CACNA1B: variants seen among roughly 807,000 people sequenced by gnomAD.
CACNA1B encodes the protein calcium voltage-gated channel subunit alpha1 B, also known as voltage-dependent N-type calcium channel subunit alpha-1B.
In CACNA1B, 70 loss-of-function variants were observed where a neutral mutation model predicts 247.2. The observed-to-expected ratio is 0.28, with a 90% CI of 0.23 to 0.35. CACNA1B has a LOEUF of 0.35. Among genes scored for constraint, CACNA1B ranks in the 10% least tolerant of loss-of-function variants. CACNA1B has a pLI of 1.00. For missense variants in CACNA1B, 2,367 were observed against 3,197.4 expected (o/e 0.74, Z 6.26); for synonymous variants, 1,231 against 1,294.4 (o/e 0.95, Z 1.05).
rs968183683 is a variant in CACNA1B, at chr9:138,050,174, C to G, written c.3710+859C>G. On this transcript the variant is annotated intron_variant, in intron 24 of 46. Transcript: ENST00000371372. This position sits in a 1 kb window ranked among gnomAD's most constrained non-coding sequence, Gnocchi z 5.2. ...GGTCATTTCATCTCCAGCCTCACCC[C>G]CCGCCCATCCACTTTCACCCCATCG... 4 of 980,516 alleles carry G rather than the reference C, an allele frequency of 4.1e-6. No individual in the cohort carries two copies. Among genetic ancestry groups the G allele is most frequent in the Admixed American group, 2.3e-5 (1 of 43,116 alleles). 60.7% of individuals were successfully genotyped at this position (980,516 alleles called of 1,614,324 possible).
chr9:137,904,555 A>G (rs1588995207), intron 3 of CACNA1B, among the ~76,000 whole-genome samples: 1 of 151,320 alleles, frequency 6.6e-6, no homozygotes, highest in South Asian at 2.1e-4. Flanking sequence ...TTTTTTGTAG[A>G]GATGGGTCTC....
chr9:138,097,937 C>G (rs1961111006), intron 37 of CACNA1B, among the ~76,000 whole-genome samples: 1 of 152,160 alleles, frequency 6.6e-6, no homozygotes, highest in African/African-American at 2.4e-5. Flanking sequence ...CCCCACCTTC[C>G]TAGTGAGGAT....
At chr9:137,911,870 C>T (rs891426901) in intron 3 of CACNA1B, among the ~76,000 whole-genome samples, 5 of 152,246 alleles carry the variant, frequency 3.3e-5, no homozygotes, top group Non-Finnish European at 7.4e-5. Flanking sequence ...CCGGACGTGG[C>T]ATATGAGAGA....
intron 36 of CACNA1B, among the ~76,000 whole-genome samples, chr9:138,083,758 C>A (rs1381134470): frequency 2.0e-5 from 3 of 150,526 alleles, no homozygotes; most frequent in Non-Finnish European, 4.4e-5. Context: ...GGAGTCTGAG[C>A]TGCTGAGACA....
rs1338251367 is a variant in CACNA1B at position 138,047,308 on chromosome 9, A to G, written c.3544-91A>G. ...TTCCTGGCTCCCTGGCTGACTGCTCAGAGGCCTGGAGGAAAAACTCGGAGC... is the reference window on the plus strand; with the variant it reads ...TTCCTGGCTCCCTGGCTGACTGCTCGGAGGCCTGGAGGAAAAACTCGGAGC... On this transcript the variant is annotated intron_variant, in intron 22 of 46. Coordinates refer to ENST00000371372, the MANE Select transcript of CACNA1B (RefSeq NM_000718.4). The G allele has an allele frequency of 6.2e-6, 6 of 969,098 alleles. No individual in the cohort carries two copies. The African/African-American group carries it at 6.4e-5, about 10-fold the overall frequency. 60.0% of individuals were successfully genotyped at this position (969,098 alleles called of 1,614,324 possible).
chr9:138,075,603 G>A (rs1236298834), intron 34 of CACNA1B, among the ~76,000 whole-genome samples: 1 of 152,234 alleles, frequency 6.6e-6, no homozygotes, highest in Non-Finnish European at 1.5e-5. Context: ...CTGTGGACAG[G>A]TTCAGAGCTG....
intron 3 of CACNA1B, among the ~76,000 whole-genome samples, chr9:137,894,291 G>A (rs1464626938): frequency 6.8e-6 from 1 of 148,096 alleles, no homozygotes; most frequent in Non-Finnish European, 1.5e-5. Context: ...CGGCACGGGG[G>A]TTGTCTCTGT....
At chr9:138,024,926 C>G (rs200672636) in intron 19 of CACNA1B, 29 bp from the exon 20 acceptor site, 13 of 1,497,668 alleles carry the variant, frequency 8.7e-6, no homozygotes, top group Admixed American at 3.9e-5. Flanking sequence ...GCCACTGCGC[C>G]GAGGCCTGAT....
intron 21 of CACNA1B, 92 bp downstream of exon 21, chr9:138,043,992 G>A: frequency 2.0e-6 from 3 of 1,494,138 alleles, no homozygotes; most frequent in Non-Finnish European, 2.7e-6. Context: ...CACTGATTCT[G>A]CGCACTTATG....
chr9:138,108,928 A>G lies in CACNA1B; in HGVS notation c.5428+3121A>G, dbSNP rs375355109. ...CCTCCTCCCAAAGTGCTGGGATTAC[A>G]GGCGTGAGCCACTGCACCCGGCCAA... On this transcript the variant is annotated intron_variant, in intron 39 of 46. Transcript: ENST00000371372. 4.9e-3 allele frequency among the ~76,000 whole-genome samples: 754 copies of G among 152,376 alleles called. 6 individuals are homozygous for G. Among genetic ancestry groups the G allele is most frequent in the African/African-American group, 0.018 (729 of 41,590 alleles).
At chr9:137,884,291 G>A (rs1956971180) in intron 3 of CACNA1B, among the ~76,000 whole-genome samples, 1 of 151,418 alleles carries the variant, frequency 6.6e-6, no homozygotes, top group Non-Finnish European at 1.5e-5. Flanking sequence ...TGGATTCTGT[G>A]CCTTTCTGCA....
chr9:138,015,505 C>T (rs1037833570), intron 18 of CACNA1B, among the ~76,000 whole-genome samples: 7 of 147,828 alleles, frequency 4.7e-5, no homozygotes, highest in African/African-American at 1.9e-4. Flanking sequence ...CTGCCCTGCT[C>T]TCATTTCCAG....
chr9:138,050,595 A>G lies in CACNA1B; in HGVS notation c.3710+1280A>G, dbSNP rs1397305076. On this transcript the variant is annotated intron_variant, in intron 24 of 46. Transcript: ENST00000371372. This position sits in a 1 kb window ranked among gnomAD's most constrained non-coding sequence, Gnocchi z 5.2. ...TAGGCCTTGGGAGTGGGAACACTGCAGCCAGGGGTCCCCCAGTCAGGAGGA... is the reference window on the plus strand; with the variant it reads ...TAGGCCTTGGGAGTGGGAACACTGCGGCCAGGGGTCCCCCAGTCAGGAGGA... Among the ~76,000 whole-genome samples the G allele has an allele frequency of 1.8e-4, 27 of 152,172 alleles. No individual in the cohort carries two copies. Among genetic ancestry groups the G allele is most frequent in the Admixed American group, 1.8e-3 (27 of 15,288 alleles).
chr9:137,968,239 C>T lies in CACNA1B; in HGVS notation c.1334-3144C>T, dbSNP rs148156528. On this transcript the variant is annotated intron_variant, in intron 10 of 46. Coordinates refer to ENST00000371372, the MANE Select transcript of CACNA1B (RefSeq NM_000718.4). The stretch of plus-strand genomic sequence containing the variant: ...GGGCCTGGTGGGGAGGAGACGAAGC[C>T]GTGCTTGAATCTCCACATTCTCAGC... 7.8e-4 allele frequency among the ~76,000 whole-genome samples: 118 copies of T among 152,236 alleles called. 1 individual carries two copies. The Middle Eastern group carries it at 0.017, about 22-fold the overall frequency.
chr9:138,097,358 G>A (rs146014478), intron 37 of CACNA1B, among the ~76,000 whole-genome samples: 1 of 152,162 alleles, frequency 6.6e-6, no homozygotes, highest in Non-Finnish European at 1.5e-5. Flanking sequence ...ATCCATGGGG[G>A]TCCCGTACAG....
At position 138,059,226 on chromosome 9, in the gene CACNA1B, C is replaced by T. The variant is rs771214281; in HGVS notation, c.4584+37C>T. ...GGTCCCTGCTTTGCCTTTTGACAAC[C>T]TATATTCTGGTTCCCCATCTGTAGG... On this transcript the variant is annotated intron_variant, in intron 30 of 46. Transcript: ENST00000371372. This position sits in a 1 kb window ranked among gnomAD's most constrained non-coding sequence, Gnocchi z 4.2. 6 of 1,292,558 alleles carry T rather than the reference C, an allele frequency of 4.6e-6. No homozygotes were observed. The highest frequency in any genetic ancestry group is 1.8e-4 in the Middle Eastern group (1 of 5,466). 80.1% of individuals were successfully genotyped at this position (1,292,558 alleles called of 1,614,324 possible).
chr9:137,949,851 A>G (rs951830166), intron 6 of CACNA1B, among the ~76,000 whole-genome samples: 2 of 152,148 alleles, frequency 1.3e-5, no homozygotes, highest in African/African-American at 4.8e-5. Context: ...TTGTAGAAGT[A>G]TCTGTAAGGT....
Position 138,052,012 on chromosome 9 carries a change from C to A in CACNA1B, c.3711-80C>A. 1.3e-6 allele frequency: 1 copy of A among 784,798 alleles called. No individual in the cohort carries two copies. Among genetic ancestry groups the A allele is most frequent in the Non-Finnish European group, 2.2e-6 (1 of 453,502 alleles). The allele number at this position is 784,798 out of a possible 1,614,324, so 48.6% of individuals were successfully genotyped here. ...AGACAAAATGCACAGGGGAGCAGGA[C>A]TCAGACCCTGGGGGGCCACGTGGGA... On this transcript the variant is annotated intron_variant, in intron 24 of 46. Coordinates refer to ENST00000371372, the MANE Select transcript of CACNA1B (RefSeq NM_000718.4). The surrounding 1 kb of genome is among the most constrained non-coding windows in gnomAD (Gnocchi z 5.1).
intron 3 of CACNA1B, among the ~76,000 whole-genome samples, chr9:137,894,365 G>A (rs1256961840): frequency 7.3e-6 from 1 of 136,478 alleles, no homozygotes; most frequent in Non-Finnish European, 1.5e-5. Context: ...GCTTTGATCT[G>A]CATTTCCATG....
Sources: gnomAD v4.1 joint callset for allele counts (sites outside exome capture counted in the v4.1 genomes callset) on GRCh38, gnomAD v4.1.1 for gene constraint, Gnocchi (gnomAD v3.1) non-coding constraint, MANE v1.5 for transcripts, NCBI Gene and HGNC (gene_info 2026-07-23, HGNC 2026-07-21) for gene names.